Variants in STOX2 observed in about 807,000 individuals in gnomAD.
STOX2 encodes storkhead-box protein 2.
A neutral mutation model predicts 60.9 loss-of-function variants in STOX2; 28 were observed. The ratio of observed to expected loss-of-function variants is 0.46; its 90% CI spans 0.34 to 0.63. STOX2 has a LOEUF of 0.63. Ranked by LOEUF, STOX2 falls within the 30% of genes least tolerant of loss-of-function variation. The pLI is 0.01. For synonymous variants in STOX2, 472 were observed against 463.9 expected (o/e 1.02, Z -0.22); for missense variants, 1,024 against 1,187.7 (o/e 0.86, Z 2.03).
intron 1 of STOX2, among the ~76,000 whole-genome samples, chr4:183,989,350 G>A (rs1162197042): frequency 6.6e-6 from 1 of 151,838 alleles, no homozygotes; most frequent in Admixed American, 6.6e-5. Context: ...TTACAGGCAC[G>A]TGCCACCACG....
intron 1 of STOX2, among the ~76,000 whole-genome samples, chr4:183,946,519 C>A (rs1742893792): frequency 6.6e-6 from 1 of 152,072 alleles, no homozygotes; most frequent in African/African-American, 2.4e-5. Context: ...ACTCAGCTAA[C>A]TGTGGATCAA....
intron 1 of STOX2, among the ~76,000 whole-genome samples, chr4:183,859,489 G>T (rs1369625317): frequency 2.0e-5 from 3 of 152,230 alleles, no homozygotes; most frequent in African/African-American, 4.8e-5. Context: ...TGGCAGAGGG[G>T]ACTGGGGGCA....
At chr4:183,995,852 C>T (rs1193837863) in intron 1 of STOX2, among the ~76,000 whole-genome samples, 1 of 152,204 alleles carries the variant, frequency 6.6e-6, no homozygotes, top group African/African-American at 2.4e-5. Context: ...AGTCTCAGCT[C>T]CCCGGGCTGC....
chr4:183,811,764 T>C (rs1311543570), intron 1 of STOX2, among the ~76,000 whole-genome samples: 1 of 152,212 alleles, frequency 6.6e-6, no homozygotes, highest in Admixed American at 6.5e-5. Flanking sequence ...CTCTCCTCTC[T>C]TTCTTCTTTT....
chr4:183,898,411 G>A (rs1741388860), intron 1 of STOX2, among the ~76,000 whole-genome samples: 1 of 152,284 alleles, frequency 6.6e-6, no homozygotes, highest in East Asian at 1.9e-4. Context: ...GCATAAAGAT[G>A]ATACATTTTG....
In STOX2 at chr4:183,806,903, G is replaced by T. The variant is rs28719018; in HGVS notation, c.364+8848G>T. ...ACTCCCCCGCATGCACTGCCCCCAC[G>T]GCCCCACAGCTCGAAGCCCCCATGC... On this transcript the variant is annotated intron_variant, in intron 1 of 2. Coordinates refer to the STOX2 transcript ENST00000513034. This position sits in a 1 kb window ranked among gnomAD's most constrained non-coding sequence, Gnocchi z 4.1. 0.079 allele frequency among the ~76,000 whole-genome samples: 12,030 copies of T among 152,040 alleles called. 1,538 individuals are homozygous for T. Among genetic ancestry groups the T allele is most frequent in the African/African-American group, 0.27 (11,113 of 41,378 alleles).
intron 1 of STOX2, among the ~76,000 whole-genome samples, chr4:183,829,960 C>A (rs1739528313): frequency 1.3e-5 from 2 of 152,156 alleles, no homozygotes; most frequent in East Asian, 3.8e-4. Context: ...CTGAAGATGG[C>A]CATTACTGGG....
intron 1 of STOX2, among the ~76,000 whole-genome samples, chr4:183,861,709 T>G (rs1740451564): frequency 6.6e-6 from 1 of 152,166 alleles, no homozygotes. Context: ...CGACAATATA[T>G]GTAAAGTGCC....
intron 2 of STOX2, among the ~76,000 whole-genome samples, chr4:184,005,474 A>AAAAAC (rs58443213): frequency 0.04 from 4,754 of 119,988 alleles, 439 homozygotes; most frequent in Non-Finnish European, 0.047. Flanking sequence ...AAAAAAAAAA[A>AAAAAC]AATTCATAGG....
Position 184,009,313 on chromosome 4 carries a change from C to A in STOX2, c.475C>A (p.His159Asn). 1.2e-6 allele frequency: 2 copies of A among 1,613,958 alleles called. No individual in the cohort carries two copies. Among genetic ancestry groups the A allele is most frequent in the African/African-American group, 1.3e-5 (1 of 75,042 alleles). Residue 159 changes from histidine to asparagine, a missense_variant, in exon 3 of 4, where the codon CAT becomes AAT. This residue lies in a region of STOX2 where 922 missense variants were observed against 1,058.3 expected (regional missense o/e 0.87). Coordinates refer to ENST00000308497, the MANE Select transcript of STOX2 (RefSeq NM_020225.3). The surrounding 1 kb of genome is among the most constrained non-coding windows in gnomAD (Gnocchi z 4.0). The part of the protein sequence containing the change: ...SLIRTNSKWY[H>N]LDERIPDRSQ... ...CATAAGAACTAACAGTAAATGGTAC[C>A]ATTTGGACGAGAGGATACCTGACCG...
chr4:183,956,248 C>G (rs770975829), intron 1 of STOX2, among the ~76,000 whole-genome samples: 1 of 152,172 alleles, frequency 6.6e-6, no homozygotes, highest in African/African-American at 2.4e-5. Flanking sequence ...GCCTTCTTTC[C>G]TCCCACCAGC....
intron 1 of STOX2, among the ~76,000 whole-genome samples, chr4:183,888,483 A>G (rs1477714415): frequency 6.6e-6 from 1 of 152,100 alleles, no homozygotes; most frequent in Admixed American, 6.5e-5. Flanking sequence ...CTGGCATGCC[A>G]CTTGGGTCCC....
At chr4:183,898,165 C>A (rs763097716) in intron 1 of STOX2, among the ~76,000 whole-genome samples, 2 of 152,092 alleles carry the variant, frequency 1.3e-5, no homozygotes, top group African/African-American at 2.4e-5. Context: ...TGCTTCCGCC[C>A]TCCCTCTCCT....
chr4:184,011,085 G>C lies in STOX2; in HGVS notation c.2247G>C (p.Ser749=), dbSNP rs199963403. Residue 749 remains serine, a synonymous_variant, in exon 3 of 4, where the codon TCG becomes TCC. Coordinates refer to ENST00000308497, the MANE Select transcript of STOX2 (RefSeq NM_020225.3). This position sits in a 1 kb window ranked among gnomAD's most constrained non-coding sequence, Gnocchi z 4.4. ...CEKLEPSLGT[S]AAQAMPASQR... ...AACTGGAACCGTCCCTGGGGACCTC[G>C]GCGGCACAAGCCATGCCTGCTTCCC... 1 of 1,599,498 alleles carries C rather than the reference G, an allele frequency of 6.3e-7. No individual in the cohort carries two copies. Among genetic ancestry groups the C allele is most frequent in the South Asian group, 1.1e-5 (1 of 88,256 alleles).
chr4:184,011,535 A>G lies in STOX2; in HGVS notation c.2585+112A>G, dbSNP rs1246176328. On this transcript the variant is annotated intron_variant, in intron 3 of 3. Transcript: ENST00000308497. This position sits in a 1 kb window ranked among gnomAD's most constrained non-coding sequence, Gnocchi z 4.4. ...AGTCTCAGTTCTATGGATGAGGGTT[A>G]AGAGTTGTATGAGTTGTATTGTTAA... 1.3e-6 allele frequency: 2 copies of G among 1,569,634 alleles called. No individual in the cohort carries two copies. The highest frequency in any genetic ancestry group is 2.7e-5 in the African/African-American group (2 of 73,612).
chr4:183,826,681 G>A (rs1739441831), intron 1 of STOX2, among the ~76,000 whole-genome samples: 2 of 152,352 alleles, frequency 1.3e-5, no homozygotes, highest in Non-Finnish European at 1.5e-5. Flanking sequence ...CCCGACCGTG[G>A]AATCTGCCCC....
chr4:183,937,279 T>G (rs551710678), intron 1 of STOX2, among the ~76,000 whole-genome samples: 1 of 152,328 alleles, frequency 6.6e-6, no homozygotes, highest in East Asian at 1.9e-4. Flanking sequence ...TTTAAAAAAT[T>G]TATTATCCAG....
At chr4:183,890,633 T>C (rs1741187584) in intron 1 of STOX2, among the ~76,000 whole-genome samples, 1 of 150,830 alleles carries the variant, frequency 6.6e-6, no homozygotes, top group Non-Finnish European at 1.5e-5. Context: ...ACTGAGCAAC[T>C]CAAACCTGTG....
At chr4:183,947,105 G>C (rs529767269) in intron 1 of STOX2, among the ~76,000 whole-genome samples, 2 of 151,894 alleles carry the variant, frequency 1.3e-5, no homozygotes, top group Admixed American at 6.6e-5. Flanking sequence ...GGGGCTCCTG[G>C]AACCAGCTCC....
Sources: gnomAD v4.1 joint callset for allele counts (sites outside exome capture counted in the v4.1 genomes callset) on GRCh38, gnomAD v4.1.1 for gene constraint, gnomAD v4.1.1 regional missense constraint, Gnocchi (gnomAD v3.1) non-coding constraint, MANE v1.5 for transcripts, NCBI Gene and HGNC (gene_info 2026-07-23, HGNC 2026-07-21) for gene names.